Variants in FBXL2 observed in about 807,000 individuals in gnomAD.
FBXL2 encodes the protein F-box and leucine rich repeat protein 2.
Under a neutral mutation model 69.2 loss-of-function variants are expected in FBXL2, and 38 were observed. The ratio of observed to expected loss-of-function variants is 0.55; its 90% confidence interval spans 0.42 to 0.72. FBXL2 has a LOEUF of 0.72. Ranked by LOEUF, FBXL2 falls within the 30% of genes least tolerant of loss-of-function variation. The pLI is 0.00. For missense variants in FBXL2, 354 were observed against 520.3 expected (o/e 0.68, Z 3.11); for synonymous variants, 192 against 201.3 (o/e 0.95, Z 0.39).
At chr3:33,392,563 CT>C, downstream of FBXL2, 1 of 1,610,536 alleles carries the variant, frequency 6.2e-7, no homozygotes. Flanking sequence ...TGCAAAGTAC[CT>C]TTTACTGTGG....
intron 2 of FBXL2, among the ~76,000 whole-genome samples, chr3:33,319,745 CA>C (rs1010687145): frequency 2.0e-5 from 3 of 152,006 alleles, no homozygotes; most frequent in African/African-American, 7.2e-5. Context: ...ATTGAAATAT[CA>C]AAGCATTTCT....
At chr3:33,397,154 A>G (rs375558983) in intron 12 of FBXL2, 377 of 1,548,552 alleles carry the variant, frequency 2.4e-4, no homozygotes, top group Non-Finnish European at 2.6e-4. Context: ...GAGCAAAAAT[A>G]TTTTTCTCAA....
chr3:33,374,067 A>G (rs1006260737), intron 9 of FBXL2, 146 bp downstream of exon 9: 1 of 671,372 alleles, frequency 1.5e-6, no homozygotes, highest in African/African-American at 1.8e-5. Flanking sequence ...TATATAACCT[A>G]CCAATTTGTC....
chr3:33,280,363 C>G (rs2033837551), intron 1 of FBXL2, among the ~76,000 whole-genome samples: 1 of 152,150 alleles, frequency 6.6e-6, no homozygotes, highest in Non-Finnish European at 1.5e-5. Context: ...AATGTATTCT[C>G]TGAGATTTTC....
intron 5 of FBXL2, among the ~76,000 whole-genome samples, chr3:33,371,376 G>A (rs2154047454): frequency 6.8e-6 from 1 of 148,032 alleles, no homozygotes; most frequent in Non-Finnish European, 1.5e-5. Context: ...TCACCATGTT[G>A]GCCAGGCTGA....
At chr3:33,290,608 A>G (rs1469402812) in intron 1 of FBXL2, among the ~76,000 whole-genome samples, 1 of 152,224 alleles carries the variant, frequency 6.6e-6, no homozygotes, top group Non-Finnish European at 1.5e-5. Flanking sequence ...TGAAGAATTC[A>G]TTTGATAGGC....
rs528251445 is a variant in FBXL2, at chr3:33,305,689, T to G, written c.65+7964T>G. On this transcript the variant is annotated intron_variant, in intron 2 of 14. Coordinates refer to ENST00000484457, the MANE Select transcript of FBXL2 (RefSeq NM_012157.5). ...AATTATGTGAGGCTAGAATTTTCTT[T>G]TTGGGAAATTAATTATTACTTTAAT... Among the ~76,000 whole-genome samples, 13 of 152,132 alleles carry G rather than the reference T, an allele frequency of 8.5e-5. 1 individual carries two copies. In the East Asian group the frequency reaches 1.3e-3, roughly 16 times the overall value.
intron 12 of FBXL2, chr3:33,397,251 C>T: frequency 1.5e-6 from 1 of 680,310 alleles, no homozygotes. Context: ...ATCCTGAATA[C>T]ACACATACAC....
chr3:33,277,589 G>T (rs1003103568), intron 1 of FBXL2, 74 bp downstream of exon 1: 1 of 1,237,766 alleles, frequency 8.1e-7, no homozygotes, highest in Non-Finnish European at 1.0e-6. Flanking sequence ...GCCGCCGCCC[G>T]CTAGGGTCGG....
intron 12 of FBXL2, chr3:33,393,500 T>C (rs201103239): frequency 8.2e-4 from 1,291 of 1,568,308 alleles, no homozygotes; most frequent in Admixed American, 1.1e-3. Flanking sequence ...CAGTAATCTT[T>C]GATCTGTTTT....
At chr3:33,342,902 T>TGG (rs1436532566) in intron 2 of FBXL2, among the ~76,000 whole-genome samples, 3 of 143,786 alleles carry the variant, frequency 2.1e-5, no homozygotes, top group African/African-American at 8.0e-5. Context: ...TGTTTTTTTT[T>TGG]TTTTTTTTTT....
At chr3:33,311,907 G>A (rs559132035) in intron 2 of FBXL2, among the ~76,000 whole-genome samples, 40 of 152,202 alleles carry the variant, frequency 2.6e-4, no homozygotes, top group African/African-American at 8.4e-4. Flanking sequence ...ACAGGCATGC[G>A]CTACTGCATC....
intron 2 of FBXL2, among the ~76,000 whole-genome samples, chr3:33,332,691 A>T (rs570384065): frequency 1.3e-5 from 2 of 152,258 alleles, no homozygotes; most frequent in Non-Finnish European, 2.9e-5. Context: ...CATGTAGGCT[A>T]TATGGTAGCC....
intron 13 of FBXL2, among the ~76,000 whole-genome samples, chr3:33,381,126 C>T (rs1385528042): frequency 1.3e-5 from 2 of 152,034 alleles, no homozygotes; most frequent in Non-Finnish European, 2.9e-5. Context: ...TTCCTTAAAT[C>T]AGTTTTTAAA....
chr3:33,340,482 TA>T (rs1284940821), intron 2 of FBXL2, among the ~76,000 whole-genome samples: 2 of 147,572 alleles, frequency 1.4e-5, no homozygotes, highest in Non-Finnish European at 3.0e-5. Flanking sequence ...CACCTTATTG[TA>T]AAAGACAGCC....
At chr3:33,380,549 A>C (rs1177538087) in intron 13 of FBXL2, among the ~76,000 whole-genome samples, 3 of 133,874 alleles carry the variant, frequency 2.2e-5, no homozygotes, top group African/African-American at 8.8e-5. Context: ...CAAGAGCAAA[A>C]CTCCATAAAA....
intron 2 of FBXL2, among the ~76,000 whole-genome samples, chr3:33,337,154 G>A (rs771977673): frequency 3.3e-5 from 5 of 152,070 alleles, no homozygotes; most frequent in Admixed American, 6.6e-5. Context: ...GCAGTGAGCC[G>A]AGATTGCGCC....
At chr3:33,359,950 A>T (rs189116796) in intron 4 of FBXL2, among the ~76,000 whole-genome samples, 4 of 152,324 alleles carry the variant, frequency 2.6e-5, no homozygotes, top group African/African-American at 9.6e-5. Flanking sequence ...TGAAATGAGG[A>T]AAGTTTATGT....
downstream of FBXL2, among the ~76,000 whole-genome samples, chr3:33,405,425 C>T (rs150228174): frequency 6.3e-4 from 96 of 152,314 alleles, no homozygotes; most frequent in South Asian, 1.0e-3. Flanking sequence ...ATCACCACCA[C>T]GCCAGAACAT....
Sources: gnomAD v4.1 joint callset for allele counts (sites outside exome capture counted in the v4.1 genomes callset) on GRCh38, gnomAD v4.1.1 for gene constraint, MANE v1.5 for transcripts, NCBI Gene and HGNC (gene_info 2026-07-23, HGNC 2026-07-21) for gene names.